The following GRID1 variants were observed in gnomAD, a reference collection of about 807,000 sequenced individuals.
GRID1 encodes the protein glutamate ionotropic receptor delta type subunit 1.
Under a neutral mutation model 98.0 loss-of-function variants are expected in GRID1, and 28 were observed. The ratio of observed to expected loss-of-function variants is 0.29; its 90% CI spans 0.21 to 0.39. GRID1 has a LOEUF of 0.39. Among genes scored for constraint, GRID1 ranks in the 10% least tolerant of loss-of-function variants. The pLI, the probability that GRID1 is intolerant of heterozygous loss-of-function variation, is 1.00. For missense variants in GRID1, 1,111 were observed against 1,340.5 expected, an observed-to-expected ratio of 0.83 and a Z score of 2.67; for synonymous variants, 553 against 538.5, an observed-to-expected ratio of 1.03 and a Z score of -0.37.
At chr10:86,182,064 G>T (rs539659941) in intron 3 of GRID1, among the ~76,000 whole-genome samples, 4 of 152,146 alleles carry the variant, frequency 2.6e-5, no homozygotes, top group African/African-American at 9.7e-5. Flanking sequence ...TTCAGACTCC[G>T]CACTCGACCC....
intron 4 of GRID1, among the ~76,000 whole-genome samples, chr10:86,127,511 C>T (rs965769905): frequency 1.3e-5 from 2 of 152,180 alleles, no homozygotes; most frequent in African/African-American, 4.8e-5. Context: ...TGAAAAAGAT[C>T]CGAAAGTGCC....
intron 3 of GRID1, among the ~76,000 whole-genome samples, chr10:86,187,016 T>A (rs548023541): frequency 1.3e-5 from 2 of 152,294 alleles, no homozygotes; most frequent in South Asian, 4.2e-4. Flanking sequence ...TTGGTGGACA[T>A]CCCAGAGAAG....
intron 4 of GRID1, among the ~76,000 whole-genome samples, chr10:86,093,076 G>T (rs929384143): frequency 2.0e-5 from 3 of 152,054 alleles, no homozygotes; most frequent in African/African-American, 7.2e-5. Flanking sequence ...ACTCCAAAAG[G>T]AACCTTCAAA....
chr10:86,082,099 G>A (rs571320359), intron 4 of GRID1, among the ~76,000 whole-genome samples: 1 of 152,344 alleles, frequency 6.6e-6, no homozygotes, highest in South Asian at 2.1e-4. Flanking sequence ...AAGTGAGGCA[G>A]TTACATGGAT....
At chr10:85,846,945 A>G (rs952754848) in intron 8 of GRID1, among the ~76,000 whole-genome samples, 16 of 152,224 alleles carry the variant, frequency 1.1e-4, no homozygotes, top group African/African-American at 3.9e-4. Flanking sequence ...CCAGCGTTCA[A>G]GAGCTCTGCC....
chr10:86,217,876 C>T (rs1369057879), intron 2 of GRID1, among the ~76,000 whole-genome samples: 1 of 152,106 alleles, frequency 6.6e-6, no homozygotes, highest in Non-Finnish European at 1.5e-5. Flanking sequence ...CTCCTATGGA[C>T]AGGCCACACC....
intron 8 of GRID1, among the ~76,000 whole-genome samples, chr10:85,768,022 A>C (rs1301299899): frequency 6.6e-6 from 1 of 152,248 alleles, no homozygotes; most frequent in Non-Finnish European, 1.5e-5. Flanking sequence ...GATGCATAGT[A>C]ATCCCCAAAC....
At chr10:86,150,261 G>C (rs1845145678) in intron 3 of GRID1, among the ~76,000 whole-genome samples, 1 of 152,138 alleles carries the variant, frequency 6.6e-6, no homozygotes, top group Non-Finnish European at 1.5e-5. Context: ...CAGGTGCTTG[G>C]TGCCCTCTCC....
At chr10:86,140,351 A>G (rs1844993836) in intron 3 of GRID1, among the ~76,000 whole-genome samples, 1 of 152,196 alleles carries the variant, frequency 6.6e-6, no homozygotes, top group Non-Finnish European at 1.5e-5. Context: ...ATCCAAATAA[A>G]CAGTGTTAGT....
chr10:85,812,007 C>T (rs1265129321), intron 8 of GRID1, among the ~76,000 whole-genome samples: 1 of 152,106 alleles, frequency 6.6e-6, no homozygotes, highest in East Asian at 1.9e-4. Flanking sequence ...CAGTAGGTTT[C>T]TCAGAAGAAA....
At chr10:86,112,783 C>CA in intron 4 of GRID1, among the ~76,000 whole-genome samples, 1 of 152,186 alleles carries the variant, frequency 6.6e-6, no homozygotes, top group Non-Finnish European at 1.5e-5. Context: ...AGAACCAAGG[C>CA]AACTCCAGGG....
At chr10:86,060,761 C>T (rs1012371180) in intron 4 of GRID1, among the ~76,000 whole-genome samples, 1 of 152,162 alleles carries the variant, frequency 6.6e-6, no homozygotes, top group African/African-American at 2.4e-5. Context: ...CTAGTCCAGG[C>T]TCAAGACTCC....
chr10:85,798,981 T>TG (rs984377484), intron 8 of GRID1, among the ~76,000 whole-genome samples: 2 of 152,140 alleles, frequency 1.3e-5, no homozygotes, highest in Non-Finnish European at 2.9e-5. Context: ...TTTCATAGTT[T>TG]GGGGGTCTAA....
At chr10:85,841,927 A>G (rs868735555) in intron 8 of GRID1, among the ~76,000 whole-genome samples, 26 of 152,100 alleles carry the variant, frequency 1.7e-4, no homozygotes, top group Admixed American at 1.3e-4. Context: ...CAATTCTTCA[A>G]AGACTTAAAG....
chr10:85,702,782 G>A (rs1017996658), intron 12 of GRID1, among the ~76,000 whole-genome samples: 3 of 151,154 alleles, frequency 2.0e-5, no homozygotes, highest in African/African-American at 7.3e-5. Flanking sequence ...GCAGAGAGGA[G>A]AGATGAGAAA....
chr10:86,181,586 T>C (rs1005225462), intron 3 of GRID1, among the ~76,000 whole-genome samples: 4 of 152,190 alleles, frequency 2.6e-5, no homozygotes, highest in Non-Finnish European at 2.9e-5. Flanking sequence ...ACTAGAGTCA[T>C]CTGTCCACCC....
At chr10:85,707,810 G>C (rs957984176) in intron 12 of GRID1, among the ~76,000 whole-genome samples, 1 of 152,124 alleles carries the variant, frequency 6.6e-6, no homozygotes, top group Non-Finnish European at 1.5e-5. Context: ...CATGTCCTTT[G>C]TAGGGACATG....
chr10:85,876,692 G>A (rs535362893), intron 5 of GRID1, among the ~76,000 whole-genome samples: 21 of 152,314 alleles, frequency 1.4e-4, no homozygotes, highest in African/African-American at 4.6e-4. Context: ...CAGAAGACAG[G>A]TGATTTCTGC....
intron 8 of GRID1, among the ~76,000 whole-genome samples, chr10:85,736,049 GGAAA>G (rs1314559626): frequency 7.1e-6 from 1 of 140,012 alleles, no homozygotes; most frequent in Non-Finnish European, 1.5e-5. Context: ...GAGGGAGAAA[GGAAA>G]GAAGGAAGGA....
Sources: gnomAD v4.1 joint callset for allele counts (sites outside exome capture counted in the v4.1 genomes callset) on GRCh38, gnomAD v4.1.1 for gene constraint, MANE v1.5 for transcripts, NCBI Gene and HGNC (gene_info 2026-07-23, HGNC 2026-07-21) for gene names.